PCDH15: variants seen among roughly 807,000 people sequenced by gnomAD.
PCDH15 encodes protocadherin related 15.
A neutral mutation model predicts 178.5 loss-of-function variants in PCDH15; 129 were observed. The ratio of observed to expected loss-of-function variants is 0.72; its 90% CI spans 0.63 to 0.84. The LOEUF (loss-of-function observed/expected upper bound fraction) is 0.84. Ranked by LOEUF, PCDH15 falls within the 40% of genes least tolerant of loss-of-function variation. PCDH15 has a pLI of 0.00. For synonymous variants in PCDH15, 800 were observed against 732.0 expected (o/e 1.09, Z -1.50); for missense variants, 2,230 against 2,099.9 (o/e 1.06, Z -1.21).
intron 3 of PCDH15, among the ~76,000 whole-genome samples, chr10:54,476,394 A>G (rs1166278158): frequency 6.6e-6 from 1 of 152,102 alleles, no homozygotes; most frequent in East Asian, 1.9e-4. Flanking sequence ...TTAAGATAAC[A>G]TAATCATTTT....
rs867256624 is a variant in PCDH15, at chr10:54,761,440, C to T, written c.-29+39485G>A. On this transcript the variant is annotated intron_variant, in intron 1 of 37. Transcript: ENST00000644397. ...TTCATGCCTGTAATTCCAGAACTTGCGGGGGCCAAGACAGGTGGATCACTT... is the reference window on the plus strand; with the variant it reads ...TTCATGCCTGTAATTCCAGAACTTGTGGGGGCCAAGACAGGTGGATCACTT... Among the ~76,000 whole-genome samples the T allele has an allele frequency of 2.3e-4, 35 of 152,048 alleles. 1 individual carries two copies. Among genetic ancestry groups the T allele is most frequent in the Non-Finnish European group, 1.5e-4 (10 of 67,978 alleles).
At chr10:55,304,817 A>G (rs1843377250) in intron 1 of PCDH15, among the ~76,000 whole-genome samples, 1 of 152,196 alleles carries the variant, frequency 6.6e-6, no homozygotes. Context: ...CTGCTTGGCA[A>G]TATCCAATGA....
intron 2 of PCDH15, among the ~76,000 whole-genome samples, chr10:55,585,956 C>T (rs1271478969): frequency 2.6e-5 from 4 of 152,070 alleles, no homozygotes; most frequent in African/African-American, 4.8e-5. Flanking sequence ...TGAATCTCCA[C>T]ATTTTTGGTC....
At chr10:54,216,598 A>C (rs2052096434) in intron 9 of PCDH15, among the ~76,000 whole-genome samples, 1 of 152,216 alleles carries the variant, frequency 6.6e-6, no homozygotes, top group African/African-American at 2.4e-5. Context: ...TCCTACATTA[A>C]GATTTCATTA....
At chr10:54,657,102 G>A (rs978526704) in intron 2 of PCDH15, among the ~76,000 whole-genome samples, 2 of 152,224 alleles carry the variant, frequency 1.3e-5, no homozygotes, top group Non-Finnish European at 2.9e-5. Context: ...ATGAACTTGG[G>A]GAAGAGGATT....
At chr10:54,814,539 C>A (rs1591716685) in intron 3 of PCDH15, among the ~76,000 whole-genome samples, 2 of 152,122 alleles carry the variant, frequency 1.3e-5, no homozygotes, top group Non-Finnish European at 2.9e-5. Flanking sequence ...AAATATCTTG[C>A]AATTCCTTGT....
chr10:55,313,303 T>G (rs1843636833), intron 1 of PCDH15, among the ~76,000 whole-genome samples: 1 of 152,216 alleles, frequency 6.6e-6, no homozygotes, highest in Non-Finnish European at 1.5e-5. Context: ...AGTGGTTCCC[T>G]TCTTTTCTGC....
chr10:54,198,489 A>ATTTTTTTTT (rs2049898071), intron 10 of PCDH15, among the ~76,000 whole-genome samples: 1 of 54,678 alleles, frequency 1.8e-5, no homozygotes, highest in African/African-American at 1.4e-4. Context: ...TTAATATCTA[A>ATTTTTTTTT]TTATTCTTTT....
In PCDH15 at chr10:55,626,815, A is replaced by G. The variant is rs1837539167; in HGVS notation, c.-156+810T>C. Among the ~76,000 whole-genome samples the G allele has an allele frequency of 2.0e-5, 3 of 152,182 alleles. No individual in the cohort carries two copies. In the South Asian group the frequency reaches 6.2e-4, roughly 31 times the overall value. On this transcript the variant is annotated intron_variant, in intron 2 of 5. Transcript: ENST00000613346. ...ATCCTTCAAATTACCTCACAACTAAAAAGGATCAGATACTTAAATAAAAAC... is the reference window on the plus strand; with the variant it reads ...ATCCTTCAAATTACCTCACAACTAAGAAGGATCAGATACTTAAATAAAAAC...
Position 54,340,707 on chromosome 10 carries a change from A to G in PCDH15, c.594+5658T>C, listed in dbSNP as rs1942068319. Reference sequence around the variant, plus strand: ...CTTGAAAGATCCAAGTGCCTTGTTCATCCCTTCACTTGGGGGTTTTCTACA... The same window carrying G: ...CTTGAAAGATCCAAGTGCCTTGTTCGTCCCTTCACTTGGGGGTTTTCTACA... On this transcript the variant is annotated intron_variant, in intron 6 of 37. Transcript: ENST00000644397. Among the ~76,000 whole-genome samples the G allele has an allele frequency of 3.3e-5, 5 of 152,272 alleles. No individual in the cohort carries two copies. The South Asian group carries it at 1.0e-3, about 32-fold the overall frequency.
intron 2 of PCDH15, among the ~76,000 whole-genome samples, chr10:54,941,876 A>G (rs1374216917): frequency 2.0e-5 from 3 of 152,038 alleles, no homozygotes; most frequent in Non-Finnish European, 4.4e-5. Flanking sequence ...GGGAATGTGC[A>G]TATTCTCTGG....
intron 25 of PCDH15, among the ~76,000 whole-genome samples, chr10:53,912,636 T>C (rs1362599240): frequency 6.6e-6 from 1 of 152,096 alleles, no homozygotes; most frequent in African/African-American, 2.4e-5. Context: ...TCACAAGCAT[T>C]CCTATACACC....
In PCDH15 at chr10:55,463,919, A is replaced by C. The variant is rs1182192615; in HGVS notation, c.-156+163706T>G. Among the ~76,000 whole-genome samples the C allele has an allele frequency of 1.7e-4, 4 of 23,718 alleles. 1 individual carries two copies. Among genetic ancestry groups the C allele is most frequent in the Non-Finnish European group, 2.3e-4 (4 of 17,094 alleles). The allele number at this position is 23,718 out of a possible 152,430, so 15.6% of individuals were successfully genotyped here. On this transcript the variant is annotated intron_variant, in intron 2 of 5. Coordinates refer to the PCDH15 transcript ENST00000613346. ...AGAGAGAGAAAGAAAGAAAGAAAGA[A>C]AGAAAGAAAGAAAGAAAGAAAGAAA...
chr10:55,448,934 A>C (rs937905630), intron 2 of PCDH15, among the ~76,000 whole-genome samples: 1 of 152,050 alleles, frequency 6.6e-6, no homozygotes, highest in Admixed American at 6.6e-5. Context: ...AGAATTTTCA[A>C]TTCTTTTATC....
At chr10:54,469,718 G>C (rs2077765718) in intron 3 of PCDH15, among the ~76,000 whole-genome samples, 1 of 152,150 alleles carries the variant, frequency 6.6e-6, no homozygotes, top group Non-Finnish European at 1.5e-5. Flanking sequence ...GGTGTTGGCA[G>C]TGACAGTGAT....
chr10:55,092,491 AAT>A (rs1842341699), intron 2 of PCDH15, among the ~76,000 whole-genome samples: 1 of 151,936 alleles, frequency 6.6e-6, no homozygotes, highest in African/African-American at 2.4e-5. Flanking sequence ...GGGTGCATGA[AAT>A]ATATGTCATA....
At chr10:55,579,140 T>C (rs988432461) in intron 2 of PCDH15, among the ~76,000 whole-genome samples, 1 of 152,222 alleles carries the variant, frequency 6.6e-6, no homozygotes, top group East Asian at 1.9e-4. Flanking sequence ...ATATAGCATA[T>C]GTGAACTATA....
intron 1 of PCDH15, among the ~76,000 whole-genome samples, chr10:55,182,512 T>C (rs1369197310): frequency 6.6e-6 from 1 of 152,020 alleles, no homozygotes; most frequent in Non-Finnish European, 1.5e-5. Context: ...GACAGGTTAC[T>C]TTACCTATCA....
At chr10:54,296,103 C>T (rs2059755202) in intron 8 of PCDH15, among the ~76,000 whole-genome samples, 2 of 138,832 alleles carry the variant, frequency 1.4e-5, no homozygotes, top group South Asian at 2.3e-4. Context: ...CGAGATCCCG[C>T]CACTGCACTC....
Sources: gnomAD v4.1 joint callset for allele counts (sites outside exome capture counted in the v4.1 genomes callset) on GRCh38, gnomAD v4.1.1 for gene constraint, MANE v1.5 for transcripts, NCBI Gene and HGNC (gene_info 2026-07-23, HGNC 2026-07-21) for gene names.